The following DAD1 variants were observed in gnomAD, a reference collection of about 807,000 sequenced individuals.
DAD1 encodes the protein dolichyl-diphosphooligosaccharide--protein glycosyltransferase subunit DAD1.
In DAD1, 4 loss-of-function variants were observed where a neutral mutation model predicts 9.0. The ratio of observed to expected loss-of-function variants is 0.44; its 90% CI spans 0.22 to 1.01. The LOEUF is 1.01. Ranked by LOEUF, DAD1 falls within the 50% of genes least tolerant of loss-of-function variation. DAD1 has a pLI of 0.24. For synonymous variants in DAD1, 60 were observed against 62.5 expected, an observed-to-expected ratio of 0.96 and a Z score of 0.19; for missense variants, 119 against 137.3, an observed-to-expected ratio of 0.87 and a Z score of 0.67.
chr14:22,586,168 C>A (rs1196506322), intron 1 of DAD1, among the ~76,000 whole-genome samples: 1 of 150,808 alleles, frequency 6.6e-6, no homozygotes, highest in Non-Finnish European at 1.5e-5. Flanking sequence ...ATGGCGCACT[C>A]CAGCCTGGGG....
chr14:22,581,573 C>T (rs2037115878), intron 1 of DAD1, among the ~76,000 whole-genome samples: 2 of 144,096 alleles, frequency 1.4e-5, no homozygotes, highest in South Asian at 4.4e-4. Context: ...GAAACCCCGT[C>T]TCTACTAAAA....
At chr14:22,582,836 T>C (rs2037126705) in intron 1 of DAD1, among the ~76,000 whole-genome samples, 1 of 151,708 alleles carries the variant, frequency 6.6e-6, no homozygotes, top group Non-Finnish European at 1.5e-5. Flanking sequence ...CGAAACCTCG[T>C]CTCTACTAAA....
intron 1 of DAD1, 103 bp from the exon 2 acceptor site, chr14:22,575,336 A>G: frequency 7.7e-7 from 1 of 1,300,960 alleles, no homozygotes; most frequent in African/African-American, 1.5e-5. Context: ...CTACTCTAAC[A>G]GAAATGAATG....
chr14:22,588,978 G>A lies in DAD1; in HGVS notation c.180C>T (p.Phe60=), dbSNP rs780304717. The A allele has an allele frequency of 1.9e-6, 3 of 1,614,196 alleles. No individual in the cohort carries two copies. The highest frequency in any genetic ancestry group is 2.5e-6 in the Non-Finnish European group (3 of 1,180,044). The change falls in exon 1 of 3, where the codon TTC becomes TTT. Residue 60 remains phenylalanine, a synonymous_variant. Coordinates refer to ENST00000250498, the MANE Select transcript of DAD1 (RefSeq NM_001344.4). ...TFPFNSFLSG[F]ISCVGSFILA... is the part of the protein sequence containing the mutation. Reference sequence around the variant, plus strand: ...GGATGAAACTCCCCACACAAGAGATGAAGCCCGAGAGAAAAGAGTTGAAGG... The same window carrying A: ...GGATGAAACTCCCCACACAAGAGATAAAGCCCGAGAGAAAAGAGTTGAAGG...
chr14:22,575,843 G>A (rs566079602), intron 1 of DAD1, among the ~76,000 whole-genome samples: 9 of 152,102 alleles, frequency 5.9e-5, no homozygotes, highest in African/African-American at 9.7e-5. Flanking sequence ...CACCGTGCCC[G>A]GACAAAACTT....
At chr14:22,581,955 C>A (rs1034729703) in intron 1 of DAD1, among the ~76,000 whole-genome samples, 4 of 151,866 alleles carry the variant, frequency 2.6e-5, no homozygotes, top group African/African-American at 9.7e-5. Context: ...GTAATCCCAG[C>A]ACTTTGGGAG....
intron 1 of DAD1, among the ~76,000 whole-genome samples, chr14:22,579,840 C>CTG (rs1310183576): frequency 7.7e-6 from 1 of 129,246 alleles, no homozygotes; most frequent in Non-Finnish European, 1.6e-5. Flanking sequence ...AAAGCCAATC[C>CTG]TTTTTTTTTT....
Position 22,575,096 on chromosome 14 carries a change from G to C in DAD1, c.*7C>G, listed in dbSNP as rs751309368. 1.1e-5 allele frequency: 18 copies of C among 1,613,714 alleles called. No individual in the cohort carries two copies. Among genetic ancestry groups the C allele is most frequent in the Non-Finnish European group, 1.5e-5 (18 of 1,179,780 alleles). On this transcript the variant is annotated 3_prime_UTR_variant, in exon 2 of 3. Coordinates refer to ENST00000250498, the MANE Select transcript of DAD1 (RefSeq NM_001344.4). ...TCCTACTCCTCAATTAAGTAAATGA[G>C]AATGATTCAGCCAACAAAGTTCATG...
At chr14:22,584,596 G>A (rs1343538995) in intron 1 of DAD1, among the ~76,000 whole-genome samples, 1 of 152,054 alleles carries the variant, frequency 6.6e-6, no homozygotes, top group Non-Finnish European at 1.5e-5. Context: ...GAGCTGAGAA[G>A]TCTAAAAAGT....
Position 22,588,946 on chromosome 14 carries a change from C to A in DAD1, c.211+1G>T, listed in dbSNP as rs930521973. The A allele has an allele frequency of 1.2e-6, 2 of 1,613,906 alleles. No individual in the cohort carries two copies. Among genetic ancestry groups the A allele is most frequent in the Non-Finnish European group, 1.7e-6 (2 of 1,179,924 alleles). The stretch of plus-strand genomic sequence containing the variant: ...ATTATGATCACTTATAGAACCATTA[C>A]CCGCTAGGATGAAACTCCCCACACA... On this transcript the variant is annotated splice_donor_variant, in intron 1 of 2. Coordinates refer to ENST00000250498, the MANE Select transcript of DAD1 (RefSeq NM_001344.4). LOFTEE classifies it high-confidence loss of function.
rs762193529 is a variant in DAD1 at position 22,589,106 on chromosome 14, T to C, written c.52A>G (p.Ser18Gly). 8.1e-6 allele frequency: 13 copies of C among 1,613,982 alleles called. No homozygotes were observed. Among genetic ancestry groups the C allele is most frequent in the Non-Finnish European group, 9.3e-6 (11 of 1,180,026 alleles). The part of the protein sequence containing the change: ...VISRFLEEYL[S>G]STPQRLKLLD... ...AACTTCAGACGCTGCGGAGTGGAGC[T>C]CAAGTACTCTTCTAAGAACCGCGAA... is the stretch of plus-strand genomic sequence containing the variant. The change falls in exon 1 of 3, where the codon AGC becomes GGC. Residue 18 changes from serine (S) to glycine (G), a missense_variant. Ser to Gly is a moderately conservative substitution (Grantham distance 56). Transcript: ENST00000250498.
intron 1 of DAD1, among the ~76,000 whole-genome samples, chr14:22,581,901 A>C (rs890330958): frequency 1.3e-5 from 2 of 151,962 alleles, no homozygotes; most frequent in Non-Finnish European, 2.9e-5. Context: ...AATGGTTCGC[A>C]AGGTTAAAAA....
chr14:22,567,560 CA>C (rs2037009533), intron 2 of DAD1, among the ~76,000 whole-genome samples: 1 of 152,204 alleles, frequency 6.6e-6, no homozygotes, highest in African/African-American at 2.4e-5. Context: ...ATAGTGTTGA[CA>C]AATCTGTCCA....
chr14:22,569,663 G>A (rs565699267), intron 2 of DAD1, among the ~76,000 whole-genome samples: 6 of 152,266 alleles, frequency 3.9e-5, no homozygotes, highest in Non-Finnish European at 7.4e-5. Flanking sequence ...GAGAAAATAA[G>A]GCAGTAAGTT....
At chr14:22,574,661 G>C (rs1289027634) in intron 2 of DAD1, among the ~76,000 whole-genome samples, 1 of 152,096 alleles carries the variant, frequency 6.6e-6, no homozygotes, top group Non-Finnish European at 1.5e-5. Context: ...TCAAATTTAA[G>C]TGCTATGAAA....
chr14:22,589,208 T>G lies in DAD1; in HGVS notation c.-51A>C. 1 of 1,590,048 alleles carries G rather than the reference T, an allele frequency of 6.3e-7. No individual in the cohort carries two copies. Among genetic ancestry groups the G allele is most frequent in the Non-Finnish European group, 8.6e-7 (1 of 1,159,746 alleles). The stretch of plus-strand genomic sequence containing the variant: ...GCGCCCCAAACTCTTGGAGGACCCG[T>G]CGACCACACCGGATGTGCTGTTTGC... On this transcript the variant is annotated 5_prime_UTR_variant, in exon 1 of 3. Coordinates refer to ENST00000250498, the MANE Select transcript of DAD1 (RefSeq NM_001344.4).
At chr14:22,576,740 T>A (rs1468682510) in intron 1 of DAD1, among the ~76,000 whole-genome samples, 1 of 152,046 alleles carries the variant, frequency 6.6e-6, no homozygotes, top group East Asian at 1.9e-4. Context: ...AGGGTTAATA[T>A]CAGAATATAT....
At position 22,582,897 on chromosome 14, in the gene DAD1, T is replaced by A. The variant is rs529181698; in HGVS notation, c.211+6050A>T. On this transcript the variant is annotated intron_variant, in intron 1 of 2. Coordinates refer to ENST00000250498, the MANE Select transcript of DAD1 (RefSeq NM_001344.4). ...GGAGCGTGCCTGTAATCCCAGCTACTCAGGAGGCTGAGGCAGGAGAATTGC... is the reference window on the plus strand; with the variant it reads ...GGAGCGTGCCTGTAATCCCAGCTACACAGGAGGCTGAGGCAGGAGAATTGC... 2.0e-5 allele frequency among the ~76,000 whole-genome samples: 3 copies of A among 150,446 alleles called. No homozygotes were observed. The South Asian group carries it at 6.3e-4, about 32-fold the overall frequency.
chr14:22,576,915 C>A (rs1349216983), intron 1 of DAD1, among the ~76,000 whole-genome samples: 2 of 152,084 alleles, frequency 1.3e-5, no homozygotes, highest in African/African-American at 2.4e-5. Context: ...ATCAAAATTA[C>A]AACGAGATAT....
Sources: gnomAD v4.1 joint callset for allele counts (sites outside exome capture counted in the v4.1 genomes callset) on GRCh38, gnomAD v4.1.1 for gene constraint, MANE v1.5 for transcripts, NCBI Gene and HGNC (gene_info 2026-07-23, HGNC 2026-07-21) for gene names.